Variants in DCLK2 observed in about 807,000 individuals in gnomAD.
DCLK2 encodes doublecortin like kinase 2.
In DCLK2, 31 loss-of-function variants were observed where a neutral mutation model predicts 78.4. The ratio of observed to expected loss-of-function variants is 0.40; its 90% CI spans 0.30 to 0.53. The LOEUF is 0.53. Among genes scored for constraint, DCLK2 ranks in the 20% least tolerant of loss-of-function variants. The probability of loss-of-function intolerance (pLI) is 0.61; values close to 1 mark genes in which losing one functional copy is unlikely to be tolerated. For synonymous variants in DCLK2, 407 were observed against 374.9 expected, an observed-to-expected ratio of 1.09 and a Z score of -0.99; for missense variants, 872 against 973.7, an observed-to-expected ratio of 0.90 and a Z score of 1.39.
At chr4:150,254,519 AC>A (rs1744425149) in intron 15 of DCLK2, 1 of 398,588 alleles carries the variant, frequency 2.5e-6, no homozygotes, top group Non-Finnish European at 4.4e-6. Context: ...AGGAGAAATA[AC>A]GGGGGGATTG....
intron 5 of DCLK2, among the ~76,000 whole-genome samples, chr4:150,215,220 G>A (rs750237504): frequency 6.6e-6 from 1 of 152,040 alleles, no homozygotes; most frequent in Non-Finnish European, 1.5e-5. Context: ...CCAAATGTGG[G>A]GGATGAGTTT....
At chr4:150,182,717 C>T (rs188773145) in intron 2 of DCLK2, among the ~76,000 whole-genome samples, 53 of 152,046 alleles carry the variant, frequency 3.5e-4, no homozygotes, top group African/African-American at 1.2e-3. Context: ...TGACTTGTAA[C>T]ATGACCATTT....
chr4:150,078,728 C>T lies in DCLK2; in HGVS notation c.-300C>T, dbSNP rs537592416. On this transcript the variant is annotated 5_prime_UTR_variant, in exon 1 of 16. Transcript: ENST00000296550. ...CGGCTCCCGAGCGGGACTTGTGAGGCGTGGCCGGGTGGAGGAGGCGCTTGC... is the reference window on the plus strand; with the variant it reads ...CGGCTCCCGAGCGGGACTTGTGAGGTGTGGCCGGGTGGAGGAGGCGCTTGC... 1.3e-3 allele frequency: 329 copies of T among 253,404 alleles called. 2 individuals carry two copies. Among genetic ancestry groups the T allele is most frequent in the African/African-American group, 6.5e-3 (292 of 45,152 alleles). 15.7% of individuals were successfully genotyped at this position (253,404 alleles called of 1,614,324 possible).
At position 150,256,418 on chromosome 4, in the gene DCLK2, T is replaced by A; in HGVS notation, c.*171T>A. On this transcript the variant is annotated 3_prime_UTR_variant, in exon 16 of 16. Transcript: ENST00000296550. ...GAGCCTGGCGTGCCGGAGCCTGGCC[T>A]GGTGCTCTGGGCTCTGCCTTCTGGT... The A allele has an allele frequency of 1.2e-6, 1 of 861,040 alleles. No individual in the cohort carries two copies. Among genetic ancestry groups the A allele is most frequent in the Non-Finnish European group, 1.7e-6 (1 of 583,534 alleles). The allele number at this position is 861,040 out of a possible 1,614,324, so 53.3% of individuals were successfully genotyped here.
chr4:150,249,638 C>G lies in DCLK2; in HGVS notation c.2027C>G (p.Ala676Gly). ...AAACTAAAACAGCACTTTAATAATG[C>G]GCTCCCCAAACAGAACAGCACTACC... ...TGKLKQHFNN[A>G]LPKQNSTTTG... Residue 676 changes from alanine to glycine, a missense_variant, in exon 15 of 16, where the codon GCG (alanine) becomes GGG (glycine). Physicochemically the swap from Ala to Gly is moderately conservative, Grantham distance 60. This residue lies in a region of DCLK2 where 219 missense variants were observed against 230.1 expected (regional missense o/e 0.95). Coordinates refer to ENST00000296550, the MANE Select transcript of DCLK2 (RefSeq NM_001040260.4). The G allele has an allele frequency of 6.2e-7, 1 of 1,613,692 alleles. No individual in the cohort carries two copies. The highest frequency in any genetic ancestry group is 8.5e-7 in the Non-Finnish European group (1 of 1,179,938).
chr4:150,210,682 T>C (rs540408224), intron 5 of DCLK2, among the ~76,000 whole-genome samples: 104 of 152,102 alleles, frequency 6.8e-4, no homozygotes, highest in Admixed American at 3.1e-3. Flanking sequence ...GCACAGTCGC[T>C]CACGCCTTTA....
At chr4:150,254,922 C>T (rs1422820684) in intron 15 of DCLK2, among the ~76,000 whole-genome samples, 1 of 152,150 alleles carries the variant, frequency 6.6e-6, no homozygotes, top group Non-Finnish European at 1.5e-5. Flanking sequence ...AAGTGATCCT[C>T]CCTCCTTGGC....
chr4:150,089,724 A>G (rs541246161), intron 1 of DCLK2, among the ~76,000 whole-genome samples: 30 of 152,354 alleles, frequency 2.0e-4, no homozygotes, highest in Admixed American at 1.9e-3. Context: ...ACCCAAACAC[A>G]CTGACAGTGT....
In DCLK2 at chr4:150,079,400, A is replaced by G. The variant is rs1729070533; in HGVS notation, c.373A>G (p.Thr125Ala). 3 of 1,566,158 alleles carry G rather than the reference A, an allele frequency of 1.9e-6. No homozygotes were observed. Among genetic ancestry groups the G allele is most frequent in the Non-Finnish European group, 1.7e-6 (2 of 1,152,710 alleles). The change falls in exon 1 of 16, where the codon ACC becomes GCC. Residue 125 changes from threonine (T) to alanine (A), a missense_variant. By Grantham distance (58) the Thr-to-Ala change is moderately conservative. Transcript: ENST00000296550. The stretch of plus-strand genomic sequence containing the variant: ...GCCCCAGGGTGTCCGCACTATCTAC[A>G]CCATCGACGGCAGCCGGAAGGTCAC... ...NLPQGVRTIY[T>A]IDGSRKVTSL...
At chr4:150,127,217 A>G (rs1732981215) in intron 2 of DCLK2, among the ~76,000 whole-genome samples, 2 of 152,118 alleles carry the variant, frequency 1.3e-5, no homozygotes, top group Admixed American at 6.6e-5. Flanking sequence ...CTTGCAGGGA[A>G]ATACTTTGAG....
At chr4:150,103,315 G>T (rs1274002938) in intron 2 of DCLK2, among the ~76,000 whole-genome samples, 1 of 152,108 alleles carries the variant, frequency 6.6e-6, no homozygotes, top group Non-Finnish European at 1.5e-5. Context: ...GTTTCATAGG[G>T]AGCAATGGAG....
intron 2 of DCLK2, among the ~76,000 whole-genome samples, chr4:150,145,504 G>A (rs1257874279): frequency 1.3e-5 from 2 of 152,130 alleles, no homozygotes; most frequent in South Asian, 2.1e-4. Flanking sequence ...CCAAGTGTTG[G>A]CAGAAAGTAT....
intron 2 of DCLK2, among the ~76,000 whole-genome samples, chr4:150,166,093 A>G (rs2150250869): frequency 6.6e-6 from 1 of 152,060 alleles, no homozygotes; most frequent in East Asian, 1.9e-4. Flanking sequence ...GTGGTGTTCT[A>G]TTGTAGTCAC....
At chr4:150,200,184 AATAT>A (rs1739353093) in intron 4 of DCLK2, among the ~76,000 whole-genome samples, 1 of 152,238 alleles carries the variant, frequency 6.6e-6, no homozygotes. Flanking sequence ...TAGCCTAATA[AATAT>A]ATACATAACT....
chr4:150,219,374 T>G (rs1289998686), intron 5 of DCLK2, among the ~76,000 whole-genome samples: 1 of 151,434 alleles, frequency 6.6e-6, no homozygotes, highest in African/African-American at 2.4e-5. Context: ...TTCAAGCGAT[T>G]CTTATGCCTC....
intron 2 of DCLK2, among the ~76,000 whole-genome samples, chr4:150,136,815 A>G (rs564452622): frequency 3.9e-5 from 6 of 152,286 alleles, no homozygotes; most frequent in African/African-American, 1.4e-4. Flanking sequence ...CAGAGGGTAC[A>G]GGATTTTTTA....
rs868181649 is a variant in DCLK2 at position 150,222,882 on chromosome 4, T to A, written c.1241+1097T>A. Among the ~76,000 whole-genome samples, 517 of 147,524 alleles carry A rather than the reference T, an allele frequency of 3.5e-3. 3 individuals are homozygous for A. The highest frequency in any genetic ancestry group is 0.013 in the African/African-American group (487 of 38,690). On this transcript the variant is annotated intron_variant, in intron 7 of 15. Transcript: ENST00000296550. The stretch of plus-strand genomic sequence containing the variant: ...CTGTGTCTCAAAAAAAAAAAAAAAA[T>A]CACAATCAGCCTACTTTTGCCTATT...
At chr4:150,081,193 T>C (rs955432481) in intron 1 of DCLK2, among the ~76,000 whole-genome samples, 2 of 152,176 alleles carry the variant, frequency 1.3e-5, no homozygotes, top group Non-Finnish European at 2.9e-5. Context: ...TTAATATCCT[T>C]CTCTAAAGAA....
At chr4:150,185,353 A>G (rs947682098) in intron 2 of DCLK2, among the ~76,000 whole-genome samples, 3 of 152,066 alleles carry the variant, frequency 2.0e-5, no homozygotes, top group African/African-American at 7.2e-5. Flanking sequence ...TGGGGATTAC[A>G]GTTTGGATTA....
Sources: allele counts gnomAD v4.1 joint callset (sites outside exome capture counted in the v4.1 genomes callset), GRCh38; gene constraint gnomAD v4.1.1; regional missense constraint gnomAD v4.1.1; transcripts MANE v1.5; gene names NCBI Gene and HGNC (gene_info 2026-07-23, HGNC 2026-07-21).